The following DLGAP1 variants were observed in gnomAD, a reference collection of about 807,000 sequenced individuals.
DLGAP1 encodes DLG associated protein 1.
In DLGAP1, 11 loss-of-function variants were observed where a neutral mutation model predicts 90.8. The observed-to-expected ratio is 0.12, with a 90% CI of 0.08 to 0.20. DLGAP1 has a LOEUF of 0.20. Ranked by LOEUF, DLGAP1 falls within the 10% of genes least tolerant of loss-of-function variation. DLGAP1 has a pLI of 1.00. For missense variants in DLGAP1, 1,050 were observed against 1,333.8 expected, an observed-to-expected ratio of 0.79 and a Z score of 3.31; for synonymous variants, 558 against 540.7, an observed-to-expected ratio of 1.03 and a Z score of -0.44.
chr18:4,399,205 G>A (rs183024997), intron 1 of DLGAP1, among the ~76,000 whole-genome samples: 2 of 152,252 alleles, frequency 1.3e-5, no homozygotes, highest in African/African-American at 2.4e-5. Context: ...TCAATGTCAA[G>A]TTGTTAAAAA....
intron 1 of DLGAP1, among the ~76,000 whole-genome samples, chr18:4,156,988 A>T (rs548079261): frequency 6.6e-6 from 1 of 152,348 alleles, no homozygotes; most frequent in South Asian, 2.1e-4. Context: ...TGTATCTTTA[A>T]AATGAGTTTC....
intron 1 of DLGAP1, among the ~76,000 whole-genome samples, chr18:4,327,990 T>C (rs2080861122): frequency 6.6e-6 from 1 of 150,652 alleles, no homozygotes; most frequent in African/African-American, 2.5e-5. Flanking sequence ...ACGAAAAGAC[T>C]GAATTGTCAT....
intron 2 of DLGAP1, among the ~76,000 whole-genome samples, chr18:4,032,439 A>G (rs1382438558): frequency 6.6e-6 from 1 of 152,188 alleles, no homozygotes; most frequent in African/African-American, 2.4e-5. Context: ...TTGAACATCA[A>G]AAAAAAGAAA....
At chr18:3,790,358 C>A (rs886133129) in intron 5 of DLGAP1, among the ~76,000 whole-genome samples, 4 of 151,392 alleles carry the variant, frequency 2.6e-5, no homozygotes, top group African/African-American at 9.7e-5. Flanking sequence ...GCCTCGAACT[C>A]CTGGGCTCAA....
chr18:4,357,867 G>A (rs11873796), intron 1 of DLGAP1, among the ~76,000 whole-genome samples: 3,339 of 152,308 alleles, frequency 0.022, 61 homozygotes, highest in African/African-American at 0.047. Context: ...AAATGCAGCT[G>A]GCAGGAAGGT....
chr18:3,959,532 T>C (rs1314423552), intron 3 of DLGAP1, among the ~76,000 whole-genome samples: 1 of 152,022 alleles, frequency 6.6e-6, no homozygotes, highest in Admixed American at 6.6e-5. Flanking sequence ...CCGGACGTGG[T>C]GTCGCGTGTC....
intron 1 of DLGAP1, among the ~76,000 whole-genome samples, chr18:4,425,049 C>T (rs2144707663): frequency 8.3e-6 from 1 of 120,974 alleles, no homozygotes; most frequent in South Asian, 2.6e-4. Context: ...CATAACCACG[C>T]ATTCCTTGGT....
At chr18:3,926,593 T>C (rs1344253714) in intron 3 of DLGAP1, among the ~76,000 whole-genome samples, 2 of 151,922 alleles carry the variant, frequency 1.3e-5, no homozygotes, top group Non-Finnish European at 2.9e-5. Context: ...CATATATAGA[T>C]AGATACATGC....
intron 4 of DLGAP1, among the ~76,000 whole-genome samples, chr18:3,868,010 C>G (rs531524589): frequency 1.3e-5 from 2 of 152,302 alleles, no homozygotes; most frequent in South Asian, 4.1e-4. Context: ...TCACCACACA[C>G]CCCTCACAGA....
intron 9 of DLGAP1, among the ~76,000 whole-genome samples, chr18:3,552,952 GC>G (rs1365346921): frequency 8.5e-6 from 1 of 117,094 alleles, no homozygotes; most frequent in Non-Finnish European, 1.9e-5. Flanking sequence ...TTTCTAGCTT[GC>G]TAAATTTTGC....
At chr18:4,434,333 T>C (rs2083353639) in intron 1 of DLGAP1, among the ~76,000 whole-genome samples, 1 of 152,158 alleles carries the variant, frequency 6.6e-6, no homozygotes, top group African/African-American at 2.4e-5. Flanking sequence ...GGTTAACTGA[T>C]TGGTTATACA....
chr18:3,605,293 C>A (rs1045501746), intron 7 of DLGAP1, among the ~76,000 whole-genome samples: 23 of 152,340 alleles, frequency 1.5e-4, no homozygotes, highest in African/African-American at 5.1e-4. Flanking sequence ...AAGAAGACGT[C>A]AGGAATGTCC....
chr18:4,069,452 G>A (rs2075415785), intron 2 of DLGAP1, among the ~76,000 whole-genome samples: 1 of 152,172 alleles, frequency 6.6e-6, no homozygotes, highest in Non-Finnish European at 1.5e-5. Context: ...TGAAGGTGGG[G>A]CCTGGTGGGA....
chr18:3,758,569 C>T (rs1391549782), intron 5 of DLGAP1, among the ~76,000 whole-genome samples: 1 of 152,132 alleles, frequency 6.6e-6, no homozygotes, highest in African/African-American at 2.4e-5. Flanking sequence ...CTTTTTCTGC[C>T]CTCTTATGGT....
At chr18:3,753,473 T>TC (rs773472171) in intron 5 of DLGAP1, among the ~76,000 whole-genome samples, 8 of 152,144 alleles carry the variant, frequency 5.3e-5, no homozygotes, top group Non-Finnish European at 1.0e-4. Context: ...AAAAGCCCTA[T>TC]CCCCAGGCTG....
intron 3 of DLGAP1, among the ~76,000 whole-genome samples, chr18:3,900,141 T>C (rs575363000): frequency 6.6e-6 from 1 of 152,230 alleles, no homozygotes; most frequent in Non-Finnish European, 1.5e-5. Flanking sequence ...CCATAAGTAA[T>C]GGAGGACTGT....
intron 3 of DLGAP1, among the ~76,000 whole-genome samples, chr18:3,884,713 C>G (rs1357796227): frequency 1.3e-5 from 2 of 152,132 alleles, no homozygotes; most frequent in Non-Finnish European, 2.9e-5. Context: ...TAAAATTTAA[C>G]TGGGCTATTT....
At chr18:3,646,925 AAAATAAAT>A (rs982594305) in intron 7 of DLGAP1, among the ~76,000 whole-genome samples, 2 of 151,568 alleles carry the variant, frequency 1.3e-5, no homozygotes, top group Non-Finnish European at 2.9e-5. Flanking sequence ...ACTCCATCTC[AAAATAAAT>A]AAATAAATAA....
intron 3 of DLGAP1, among the ~76,000 whole-genome samples, chr18:3,934,701 C>T (rs990750828): frequency 1.3e-5 from 2 of 152,136 alleles, no homozygotes; most frequent in African/African-American, 2.4e-5. Context: ...TGATTTAGAA[C>T]CAAACAGAGG....
Sources: gnomAD v4.1 joint callset for allele counts (sites outside exome capture counted in the v4.1 genomes callset) on GRCh38, gnomAD v4.1.1 for gene constraint, MANE v1.5 for transcripts, NCBI Gene and HGNC (gene_info 2026-07-23, HGNC 2026-07-21) for gene names.